The following LRRC49 variants were observed in gnomAD, a reference collection of about 807,000 sequenced individuals.
LRRC49 encodes the protein leucine rich repeat containing 49.
LRRC49 carries 50 observed loss-of-function variants against 83.3 expected under a neutral mutation model. The ratio of observed to expected loss-of-function variants is 0.60; its 90% CI spans 0.48 to 0.76. The LOEUF (loss-of-function observed/expected upper bound fraction) is 0.76. LRRC49 is among the 30% of genes least tolerant of loss of function. The probability of loss-of-function intolerance (pLI) is 0.00; values close to 1 mark genes in which losing one functional copy is unlikely to be tolerated. For missense variants in LRRC49, 704 were observed against 809.1 expected, an observed-to-expected ratio of 0.87 and a Z score of 1.58; for synonymous variants, 286 against 283.3, an observed-to-expected ratio of 1.01 and a Z score of -0.10.
chr15:70,955,915 T>C (rs2036383969), intron 8 of LRRC49, among the ~76,000 whole-genome samples: 1 of 152,210 alleles, frequency 6.6e-6, no homozygotes, highest in African/African-American at 2.4e-5. Flanking sequence ...TATATTTCAG[T>C]CCTTGTGAGC....
chr15:70,860,155 C>A, intron 1 of LRRC49: 1 of 688,688 alleles, frequency 1.5e-6, no homozygotes, highest in South Asian at 1.6e-5. Context: ...GACATCCTGC[C>A]TAAGTGAACA....
At chr15:71,014,693 A>C (rs1036991779) in intron 14 of LRRC49, among the ~76,000 whole-genome samples, 1 of 152,164 alleles carries the variant, frequency 6.6e-6, no homozygotes. Context: ...ACAATCCACC[A>C]GAAAATAGTT....
intron 10 of LRRC49, among the ~76,000 whole-genome samples, chr15:70,983,458 A>G (rs577530572): frequency 7.4e-4 from 113 of 152,322 alleles, no homozygotes; most frequent in Middle Eastern, 3.4e-3. Flanking sequence ...CTACCTTAAG[A>G]CATCCGTTGC....
chr15:70,918,838 A>G, intron 6 of LRRC49: 1 of 450,754 alleles, frequency 2.2e-6, no homozygotes, highest in Non-Finnish European at 3.9e-6. Flanking sequence ...ACTATGGTCA[A>G]ATTGTAAAAT....
intron 1 of LRRC49, chr15:70,854,036 A>C: frequency 6.9e-7 from 1 of 1,446,490 alleles, no homozygotes; most frequent in Non-Finnish European, 9.1e-7. Flanking sequence ...GGCGACGCGG[A>C]TCTGCACCGC....
intron 2 of LRRC49, among the ~76,000 whole-genome samples, chr15:70,880,504 C>T (rs2033241800): frequency 6.6e-6 from 1 of 152,132 alleles, no homozygotes; most frequent in Non-Finnish European, 1.5e-5. Context: ...CTTTTCCCCC[C>T]ACTAAACTGG....
intron 8 of LRRC49, among the ~76,000 whole-genome samples, chr15:70,963,035 G>A (rs1269019346): frequency 2.0e-5 from 3 of 152,018 alleles, no homozygotes; most frequent in Admixed American, 2.0e-4. Flanking sequence ...GGGGGGGCAA[G>A]GTGGGAGGAT....
In LRRC49 at chr15:70,979,534, G is replaced by A. The variant is rs147844024; in HGVS notation, c.922-567G>A. On this transcript the variant is annotated intron_variant, in intron 9 of 15. Transcript: ENST00000260382. ...ATTACAATACAAGATTATTAACTAC[G>A]GTCATCATGCTATATTTCATAGCTT... Among the ~76,000 whole-genome samples the A allele has an allele frequency of 7.9e-5, 12 of 151,466 alleles. No homozygotes were observed. The East Asian group carries it at 1.7e-3, about 22-fold the overall frequency.
At chr15:70,855,517 T>C (rs1285734637) in intron 1 of LRRC49, among the ~76,000 whole-genome samples, 3 of 152,278 alleles carry the variant, frequency 2.0e-5, no homozygotes, top group East Asian at 3.9e-4. Context: ...TGTTTTGATA[T>C]AGAAAGACAA....
intron 3 of LRRC49, among the ~76,000 whole-genome samples, chr15:70,899,550 C>T (rs1286991710): frequency 1.3e-5 from 2 of 152,090 alleles, no homozygotes; most frequent in East Asian, 3.9e-4. Flanking sequence ...TCATTATTAT[C>T]TTGATATTTT....
upstream of LRRC49, among the ~76,000 whole-genome samples, chr15:70,889,469 T>C (rs929760064): frequency 3.9e-5 from 6 of 152,140 alleles, no homozygotes; most frequent in Non-Finnish European, 7.4e-5. Context: ...TTCTTTGACT[T>C]GGGTTGTGGT....
intron 7 of LRRC49, 117 bp downstream of exon 7, chr15:70,919,310 G>T (rs1596020063): frequency 1.1e-6 from 1 of 924,796 alleles, no homozygotes; most frequent in Non-Finnish European, 1.6e-6. Context: ...GGTTTTTTCT[G>T]AATTTAAATT....
chr15:71,032,771 T>C (rs952912079), intron 14 of LRRC49, among the ~76,000 whole-genome samples: 1 of 152,104 alleles, frequency 6.6e-6, no homozygotes, highest in Non-Finnish European at 1.5e-5. Flanking sequence ...CACATGATTA[T>C]CTCAATAGAC....
At chr15:70,855,400 C>G (rs1236430016) in intron 1 of LRRC49, among the ~76,000 whole-genome samples, 1 of 151,744 alleles carries the variant, frequency 6.6e-6, no homozygotes, top group Non-Finnish European at 1.5e-5. Context: ...TGAATAAGAC[C>G]TGAATCTGCT....
chr15:70,985,489 T>A (rs1256470014), intron 11 of LRRC49, among the ~76,000 whole-genome samples: 1 of 152,230 alleles, frequency 6.6e-6, no homozygotes, highest in Non-Finnish European at 1.5e-5. Flanking sequence ...TGTTTTTTTC[T>A]TGTAAATGTG....
At chr15:70,933,048 T>C (rs747670771) in intron 7 of LRRC49, among the ~76,000 whole-genome samples, 13 of 152,064 alleles carry the variant, frequency 8.5e-5, no homozygotes, top group Non-Finnish European at 1.8e-4. Context: ...TTTTATGCAG[T>C]TTAGGGATAT....
intron 1 of LRRC49, among the ~76,000 whole-genome samples, chr15:70,870,235 A>G (rs777876891): frequency 2.6e-5 from 4 of 152,252 alleles, no homozygotes; most frequent in Non-Finnish European, 5.9e-5. Flanking sequence ...TGAAGATTGG[A>G]ATGGATGAGT....
intron 4 of LRRC49, among the ~76,000 whole-genome samples, chr15:70,903,220 A>C (rs1300920883): frequency 6.6e-6 from 1 of 152,042 alleles, no homozygotes; most frequent in Non-Finnish European, 1.5e-5. Context: ...TTAAGGTAGA[A>C]TACTTATAAT....
chr15:70,889,406 G>A (rs999531149), upstream of LRRC49, among the ~76,000 whole-genome samples: 1 of 152,146 alleles, frequency 6.6e-6, no homozygotes, highest in Non-Finnish European at 1.5e-5. Flanking sequence ...GGAGAGGGGA[G>A]GGGCTGGATA....
Sources: gnomAD v4.1 joint callset for allele counts (sites outside exome capture counted in the v4.1 genomes callset) on GRCh38, gnomAD v4.1.1 for gene constraint, MANE v1.5 for transcripts, NCBI Gene and HGNC (gene_info 2026-07-23, HGNC 2026-07-21) for gene names.